The following PTPN2 variants were observed in gnomAD, a reference collection of about 807,000 sequenced individuals.
PTPN2 encodes tyrosine-protein phosphatase non-receptor type 2.
Under a neutral mutation model 57.3 loss-of-function variants are expected in PTPN2, and 19 were observed. The observed-to-expected ratio is 0.33, with a 90% CI of 0.23 to 0.49. The LOEUF is 0.49. Ranked by LOEUF, PTPN2 falls within the 20% of genes least tolerant of loss-of-function variation. The pLI, the probability that PTPN2 is intolerant of heterozygous loss-of-function variation, is 0.99. For synonymous variants in PTPN2, 153 were observed against 164.9 expected (o/e 0.93, Z 0.55); for missense variants, 358 against 501.1 (o/e 0.71, Z 2.73).
chr18:12,872,814 C>A (rs142174555), intron 1 of PTPN2, among the ~76,000 whole-genome samples: 32 of 152,316 alleles, frequency 2.1e-4, no homozygotes, highest in African/African-American at 6.7e-4. Context: ...TAGTACTGTA[C>A]CGTACATAGA....
intron 2 of PTPN2, chr18:12,844,022 T>C (rs1483945184): frequency 6.6e-6 from 1 of 152,242 alleles, no homozygotes; most frequent in Non-Finnish European, 1.5e-5. Context: ...AAGAATGTTA[T>C]ATAAATGGAA....
Position 12,847,327 on chromosome 18 carries a change from T to A in PTPN2, c.161-10436A>T, listed in dbSNP as rs558070759. Among the ~76,000 whole-genome samples the A allele has an allele frequency of 5.1e-4, 78 of 152,370 alleles. 1 individual carries two copies. The highest frequency in any genetic ancestry group is 1.9e-3 in the African/African-American group (77 of 41,600). On this transcript the variant is annotated intron_variant, in intron 2 of 8. Transcript: ENST00000309660. ...GTTTAAAACAGCTCTTAAGAGCTAA[T>A]GCTAACCTGATATTCACCAGTGCTA...
At chr18:12,827,394 AAT>A (rs1491144702) in intron 4 of PTPN2, among the ~76,000 whole-genome samples, 4 of 65,086 alleles carry the variant, frequency 6.1e-5, no homozygotes, top group African/African-American at 1.6e-4. Flanking sequence ...GAAAATAAAT[AAT>A]TTTTTTTTTT....
intron 7 of PTPN2, among the ~76,000 whole-genome samples, chr18:12,812,180 T>C (rs2041913728): frequency 6.6e-6 from 1 of 152,232 alleles, no homozygotes; most frequent in African/African-American, 2.4e-5. Context: ...TATTTATGCC[T>C]GACCTTGTGC....
At chr18:12,853,642 G>C (rs1266177033) in intron 2 of PTPN2, among the ~76,000 whole-genome samples, 5 of 152,194 alleles carry the variant, frequency 3.3e-5, no homozygotes, top group African/African-American at 1.2e-4. Flanking sequence ...ATTGAGATGG[G>C]TCAGAGAGAG....
chr18:12,788,892 G>A (rs760466050), downstream of PTPN2, among the ~76,000 whole-genome samples: 11 of 152,104 alleles, frequency 7.2e-5, no homozygotes, highest in Non-Finnish European at 1.2e-4. Flanking sequence ...TCCTGCTGCC[G>A]AGGGAAAAAT....
chr18:12,884,135 T>G lies in PTPN2; in HGVS notation c.7A>C (p.Thr3Pro). 2.5e-6 allele frequency: 4 copies of G among 1,584,108 alleles called. No individual in the cohort carries two copies. Among genetic ancestry groups the G allele is most frequent in the Non-Finnish European group, 3.4e-6 (4 of 1,166,784 alleles). Residue 3 changes from threonine to proline, a missense_variant, in exon 1 of 9, where the codon ACC (threonine) becomes CCC (proline). By Grantham distance (38) the Thr-to-Pro change is conservative. Around this residue, in one of 4 missense-constraint regions of PTPN2, gnomAD observed 62 missense variants for 47.9 expected, o/e 1.29. Transcript: ENST00000309660. The stretch of plus-strand genomic sequence containing the variant: ...TCTTCGAACTCCCGCTCGATGGTGG[T>G]GGGCATGGCTGCGGGAGCGAGCTGG... MP[T>P]TIEREFEELD... is the part of the protein sequence containing the mutation.
At chr18:12,818,563 G>A (rs1357866445) in intron 5 of PTPN2, among the ~76,000 whole-genome samples, 2 of 152,018 alleles carry the variant, frequency 1.3e-5, no homozygotes, top group African/African-American at 2.4e-5. Context: ...TTGCCCCAAG[G>A]AGCACTTCTC....
chr18:12,813,068 T>C (rs1375254964), intron 7 of PTPN2, among the ~76,000 whole-genome samples: 2 of 149,678 alleles, frequency 1.3e-5, no homozygotes, highest in Non-Finnish European at 3.0e-5. Flanking sequence ...CAAAGGACAA[T>C]ACATTTCCCT....
At chr18:12,814,467 A>G in intron 6 of PTPN2, 112 bp from the exon 7 acceptor site, 4 of 895,762 alleles carry the variant, frequency 4.5e-6, no homozygotes, top group Non-Finnish European at 3.3e-6. Flanking sequence ...CTGAAAGAAC[A>G]ACGATAATTT....
chr18:12,801,796 T>C, intron 8 of PTPN2, 174 bp downstream of exon 8: 1 of 656,276 alleles, frequency 1.5e-6, no homozygotes, highest in Non-Finnish European at 2.6e-6. Context: ...TTCAAACTCC[T>C]AGACTCAAGT....
chr18:12,879,261 C>T (rs914113712), intron 1 of PTPN2, among the ~76,000 whole-genome samples: 1 of 152,178 alleles, frequency 6.6e-6, no homozygotes, highest in African/African-American at 2.4e-5. Context: ...ACCTCAGCCT[C>T]CCAAAGCGCT....
At chr18:12,804,643 GC>G (rs2041574444) in intron 7 of PTPN2, among the ~76,000 whole-genome samples, 1 of 152,040 alleles carries the variant, frequency 6.6e-6, no homozygotes, top group Admixed American at 6.5e-5. Context: ...AGAGGAAATG[GC>G]TAAATTCTTA....
chr18:12,812,486 C>T (rs927941020), intron 7 of PTPN2, among the ~76,000 whole-genome samples: 3 of 152,136 alleles, frequency 2.0e-5, no homozygotes, highest in Admixed American at 6.5e-5. Context: ...GTAATCCCAA[C>T]TACTCGGAAG....
intron 5 of PTPN2, among the ~76,000 whole-genome samples, chr18:12,818,145 A>C (rs2042142003): frequency 6.6e-6 from 1 of 151,680 alleles, no homozygotes; most frequent in African/African-American, 2.4e-5. Flanking sequence ...TCCATCTTCA[A>C]AAAAAAAAAT....
chr18:12,864,801 A>ATTT (rs1598874940), intron 1 of PTPN2, among the ~76,000 whole-genome samples: 1 of 152,218 alleles, frequency 6.6e-6, no homozygotes, highest in East Asian at 1.9e-4. Context: ...TTTGAGATAT[A>ATTT]TATGCATGGC....
chr18:12,788,236 G>C (rs911660047), downstream of PTPN2: 1 of 153,340 alleles, frequency 6.5e-6, no homozygotes, highest in African/African-American at 2.4e-5. Flanking sequence ...AAAAATTCCT[G>C]TGCAATTCTT....
intron 7 of PTPN2, 41 bp downstream of exon 7, chr18:12,814,162 T>A: frequency 7.1e-7 from 1 of 1,404,216 alleles, no homozygotes; most frequent in African/African-American, 1.4e-5. Context: ...GCTATGTGTA[T>A]TTAACAAATA....
intron 2 of PTPN2, among the ~76,000 whole-genome samples, chr18:12,853,637 G>C (rs112128403): frequency 4.6e-5 from 7 of 152,298 alleles, no homozygotes; most frequent in African/African-American, 1.7e-4. Context: ...CTTTGATTGA[G>C]ATGGGTCAGA....
Sources: allele counts gnomAD v4.1 joint callset (sites outside exome capture counted in the v4.1 genomes callset), GRCh38; gene constraint gnomAD v4.1.1; regional missense constraint gnomAD v4.1.1; transcripts MANE v1.5; gene names NCBI Gene and HGNC (gene_info 2026-07-23, HGNC 2026-07-21).